Variants in CLEC20A observed in about 807,000 individuals in gnomAD.
The protein encoded by CLEC20A is C-type lectin domain containing 20A, also known as putative C-type lectin domain family 20 member A.
At chr1:178,486,856 C>A (rs912183254) in intron 5 of CLEC20A, 23 of 398,220 alleles carry the variant, frequency 5.8e-5, no homozygotes, top group Non-Finnish European at 9.3e-5. Flanking sequence ...AACCAAGGTG[C>A]CCCCCGGGGC....
intron 3 of CLEC20A, among the ~76,000 whole-genome samples, chr1:178,491,446 T>A (rs1446965973): frequency 6.6e-6 from 1 of 152,160 alleles, no homozygotes; most frequent in Non-Finnish European, 1.5e-5. Flanking sequence ...CTAAACAGAT[T>A]TTTTAAAGTT....
upstream of CLEC20A, chr1:178,497,217 GA>G (rs1250754607): frequency 5.5e-6 from 2 of 366,496 alleles, no homozygotes; most frequent in Admixed American, 9.3e-5. Context: ...GTCCCAAAAT[GA>G]AGGCCCCAGA....
intron 2 of CLEC20A, among the ~76,000 whole-genome samples, chr1:178,494,085 G>A (rs889031155): frequency 3.9e-5 from 6 of 152,084 alleles, no homozygotes; most frequent in African/African-American, 1.2e-4. Context: ...TCCCTGCCCC[G>A]TCATTTGCTA....
chr1:178,488,442 C>G (rs979114481), intron 5 of CLEC20A, 59 bp downstream of exon 5: 15 of 398,568 alleles, frequency 3.8e-5, no homozygotes, highest in South Asian at 1.3e-4. Context: ...TGCAAGCCAG[C>G]CTTGCCACTT....
chr1:178,492,458 C>G, intron 3 of CLEC20A, 43 bp downstream of exon 3: 1 of 398,376 alleles, frequency 2.5e-6, no homozygotes, highest in Non-Finnish European at 4.4e-6. Context: ...CAAGGCAAAA[C>G]AAGCCAAATT....
intron 1 of CLEC20A, chr1:178,496,591 C>G (rs1649400145): frequency 2.9e-6 from 1 of 339,590 alleles, no homozygotes; most frequent in Admixed American, 4.8e-5. Context: ...ATTGCACATG[C>G]TTCTGAAGTG....
At chr1:178,497,991 G>A (rs1374595429), upstream of CLEC20A, among the ~76,000 whole-genome samples, 1 of 151,994 alleles carries the variant, frequency 6.6e-6, no homozygotes, top group Non-Finnish European at 1.5e-5. Flanking sequence ...GCTGGAAATT[G>A]TGGACCAGGC....
intron 5 of CLEC20A, among the ~76,000 whole-genome samples, chr1:178,487,271 G>C (rs894555861): frequency 9.2e-5 from 14 of 152,216 alleles, no homozygotes; most frequent in African/African-American, 3.4e-4. Context: ...CAGCCAGGCA[G>C]GTGCCAGGAT....
chr1:178,495,207 A>G (rs990483040), intron 1 of CLEC20A, among the ~76,000 whole-genome samples: 1 of 152,264 alleles, frequency 6.6e-6, no homozygotes. Context: ...GCCATGTGCC[A>G]TCAGCTCAAG....
At chr1:178,480,317 C>T (rs1572153864) in intron 7 of CLEC20A, 1 of 152,182 alleles carries the variant, frequency 6.6e-6, no homozygotes, top group East Asian at 1.9e-4. Context: ...GGAATAGATA[C>T]ATTCTGACAA....
upstream of CLEC20A, among the ~76,000 whole-genome samples, chr1:178,497,474 A>G (rs1372865222): frequency 6.6e-6 from 1 of 152,182 alleles, no homozygotes; most frequent in Non-Finnish European, 1.5e-5. Flanking sequence ...CCACGCCCAG[A>G]AGGAAGGACT....
intron 2 of CLEC20A, chr1:178,493,450 A>G (rs1254195065): frequency 6.5e-6 from 1 of 152,678 alleles, no homozygotes; most frequent in African/African-American, 2.4e-5. Context: ...CAGAGGGAGA[A>G]GCAGGAAGTG....
At chr1:178,489,337 C>T (rs1258285324) in intron 4 of CLEC20A, among the ~76,000 whole-genome samples, 2 of 151,612 alleles carry the variant, frequency 1.3e-5, no homozygotes, top group Admixed American at 6.6e-5. Context: ...CCAGCCTGGG[C>T]GACAGAGCAA....
chr1:178,489,954 A>G, intron 4 of CLEC20A, 118 bp downstream of exon 4: 1 of 397,634 alleles, frequency 2.5e-6, no homozygotes, highest in Non-Finnish European at 4.4e-6. Context: ...TACCCCTCAG[A>G]GTCTGGAAGT....
chr1:178,490,035 A>G (rs1352467243), intron 4 of CLEC20A, 37 bp downstream of exon 4: 2 of 398,522 alleles, frequency 5.0e-6, no homozygotes, highest in African/African-American at 2.1e-5. Context: ...TCTATCCTCA[A>G]TGGGCCGAGG....
At chr1:178,491,128 C>A (rs1397884587) in intron 3 of CLEC20A, among the ~76,000 whole-genome samples, 1 of 152,218 alleles carries the variant, frequency 6.6e-6, no homozygotes, top group Non-Finnish European at 1.5e-5. Flanking sequence ...CCACCACTGC[C>A]AGTCCCTGCC....
chr1:178,497,647 A>G (rs1000028675), upstream of CLEC20A, among the ~76,000 whole-genome samples: 2 of 152,218 alleles, frequency 1.3e-5, no homozygotes, highest in Non-Finnish European at 2.9e-5. Flanking sequence ...GTCTCCCTCT[A>G]TCATTGGGTC....
At chr1:178,489,382 T>A (rs1649225119) in intron 4 of CLEC20A, among the ~76,000 whole-genome samples, 2 of 151,932 alleles carry the variant, frequency 1.3e-5, no homozygotes, top group Non-Finnish European at 2.9e-5. Flanking sequence ...TTAATTAATT[T>A]AACTAAATAA....
chr1:178,497,024 G>A (rs562570378), upstream of CLEC20A: 2 of 399,008 alleles, frequency 5.0e-6, no homozygotes, highest in East Asian at 7.1e-5. Flanking sequence ...AGAAGAGGCT[G>A]CGTCTGACCT....
Sources: gnomAD v4.1 joint callset for allele counts (sites outside exome capture counted in the v4.1 genomes callset) on GRCh38, gnomAD v4.1.1 for gene constraint, MANE v1.5 for transcripts, NCBI Gene and HGNC (gene_info 2026-07-23, HGNC 2026-07-21) for gene names.